MMGT1: variants seen among roughly 807,000 people sequenced by gnomAD.
MMGT1 encodes the protein ER membrane protein complex subunit 5.
MMGT1 carries 2 observed loss-of-function variants against 11.7 expected under a neutral mutation model. The ratio of observed to expected loss-of-function variants is 0.17; its 90% confidence interval spans 0.07 to 0.54. The LOEUF (loss-of-function observed/expected upper bound fraction) is 0.54. Ranked by LOEUF, MMGT1 falls within the 20% of genes least tolerant of loss-of-function variation. The pLI is 0.94. For synonymous variants in MMGT1, 49 were observed against 44.4 expected, an observed-to-expected ratio of 1.10 and a Z score of -0.41; for missense variants, 74 against 109.0, an observed-to-expected ratio of 0.68 and a Z score of 1.43.
Position 135,973,797 on chromosome X carries a change from G to A in MMGT1, c.-122C>T, listed in dbSNP as rs1360273785. On this transcript the variant is annotated 5_prime_UTR_variant, in exon 1 of 4. Coordinates refer to ENST00000305963, the MANE Select transcript of MMGT1 (RefSeq NM_173470.3). ...GTCACTGAAGTCCTGAGCGCAAAGTGTCTCAGTGGTGGAAAAGCCAGAGGG... is the reference window on the plus strand; with the variant it reads ...GTCACTGAAGTCCTGAGCGCAAAGTATCTCAGTGGTGGAAAAGCCAGAGGG... 3 of 1,161,941 alleles carry A rather than the reference G, an allele frequency of 2.6e-6. No individual in the cohort carries two copies. The Admixed American group carries it at 7.9e-5, about 30-fold the overall frequency.
chrX:135,971,036 G>A (rs375839968), intron 2 of MMGT1, 22 bp downstream of exon 2: 27 of 1,086,230 alleles, frequency 2.5e-5, no homozygotes, highest in Middle Eastern at 5.0e-4. Flanking sequence ...TACATGTAAC[G>A]GAATATAAAT....
intron 3 of MMGT1, among the ~76,000 whole-genome samples, chrX:135,966,331 C>A (rs1338685602): frequency 8.9e-6 from 1 of 112,436 alleles, no homozygotes; most frequent in African/African-American, 3.2e-5. Flanking sequence ...CGTTGGCTCA[C>A]ATCTGTAATC....
rs1342585830 is a variant in MMGT1, at chrX:135,961,004, T to G, written c.*4020A>C. Among the ~76,000 whole-genome samples, 1 of 112,018 alleles carries G rather than the reference T, an allele frequency of 8.9e-6. No homozygotes were observed. Among genetic ancestry groups the G allele is most frequent in the Non-Finnish European group, 1.9e-5 (1 of 53,125 alleles). The stretch of plus-strand genomic sequence containing the variant: ...TTGGTAAATAATCATTCTCATACAT[T>G]ATATGTGGAAGCATACTGGGCAAAG... On this transcript the variant is annotated 3_prime_UTR_variant, in exon 4 of 4. Coordinates refer to ENST00000305963, the MANE Select transcript of MMGT1 (RefSeq NM_173470.3).
intron 2 of MMGT1, among the ~76,000 whole-genome samples, chrX:135,968,789 C>A (rs2089201189): frequency 9.0e-6 from 1 of 111,569 alleles, no homozygotes; most frequent in Non-Finnish European, 1.9e-5. Flanking sequence ...CTCAGCCTCC[C>A]AAAGTGCTGG....
rs4465125 is a variant in MMGT1, at chrX:135,973,614, G to C, written c.62C>G (p.Ala21Gly). 8.6e-7 allele frequency: 1 copy of C among 1,166,771 alleles called. No individual in the cohort carries two copies. The highest frequency in any genetic ancestry group is 2.6e-5 in the Admixed American group (1 of 38,824). Reference sequence around the variant, plus strand: ...GCACTTACGCTGCGCAGCGGAAAAGGCGGCGTGGGCTAGGGCAAAGAGACC... The same window carrying C: ...GCACTTACGCTGCGCAGCGGAAAAGCCGGCGTGGGCTAGGGCAAAGAGACC... Reference protein sequence around the residue: ...GIGLFALAHAAFSAAQHRSYM... With the variant: ...GIGLFALAHAGFSAAQHRSYM... The change falls in exon 1 of 4, where the codon GCC becomes GGC. Residue 21 changes from alanine (A) to glycine (G), a missense_variant. Physicochemically the swap from Ala to Gly is moderately conservative, Grantham distance 60 (BLOSUM62 0). Coordinates refer to ENST00000305963, the MANE Select transcript of MMGT1 (RefSeq NM_173470.3).
intron 2 of MMGT1, among the ~76,000 whole-genome samples, chrX:135,969,938 A>G (rs1323403622): frequency 8.9e-6 from 1 of 112,027 alleles, no homozygotes; most frequent in Non-Finnish European, 1.9e-5. Context: ...TGGTGTTTTT[A>G]TAATTGTGTA....
intron 3 of MMGT1, among the ~76,000 whole-genome samples, chrX:135,966,385 G>C (rs2089185651): frequency 8.9e-6 from 1 of 112,053 alleles, no homozygotes; most frequent in Non-Finnish European, 1.9e-5. Flanking sequence ...CTTCAGGTCA[G>C]GAGTTCGAGA....
At chrX:135,968,623 C>T (rs1413175870) in intron 2 of MMGT1, among the ~76,000 whole-genome samples, 2 of 107,587 alleles carry the variant, frequency 1.9e-5, no homozygotes, top group Non-Finnish European at 3.8e-5. Context: ...CCTCAGCCTC[C>T]CAGGTTCAAG....
rs36089092 is a variant in MMGT1 at position 135,968,499 on chromosome X, T to TATTGTGTGTG, written c.133-1007_133-1006insCACACACAAT. On this transcript the variant is annotated intron_variant, in intron 2 of 3. Transcript: ENST00000305963. Reference sequence around the variant, plus strand: ...GCTTTCCTCGCTCAACATTATGTCATTGTGTGTGTGTGTGTGTGTGTGTGT... The same window carrying TATTGTGTGTG: ...GCTTTCCTCGCTCAACATTATGTCATATTGTGTGTGTGTGTGTGTGTGTGTGTGTGTGTGT... Among the ~76,000 whole-genome samples, 16 of 85,033 alleles carry TATTGTGTGTG rather than the reference T, an allele frequency of 1.9e-4. No individual in the cohort carries two copies. In the South Asian group the frequency reaches 0.011, roughly 56 times the overall value. 73.8% of individuals were successfully genotyped at this position (85,033 alleles called of 115,157 possible). A position where few individuals can be genotyped will look rare whatever the true frequency, so the allele number is the denominator to read the frequency against.
rs781803960 is a variant in MMGT1, at chrX:135,971,030, TGTAAC to T, written c.132+23_132+27del. On this transcript the variant is annotated intron_variant, in intron 2 of 3. Transcript: ENST00000305963. ...CTATGTGGCTGATTTTAAACATACA[TGTAAC>T]GGAATATAAATGACCAACTTACATC... 5.7e-6 allele frequency: 6 copies of T among 1,051,005 alleles called. No homozygotes were observed. The Admixed American group carries it at 1.1e-4, about 20-fold the overall frequency. 86.6% of individuals were successfully genotyped at this position (1,051,005 alleles called of 1,213,427 possible).
rs782002796 is a variant in MMGT1 at position 135,963,123 on chromosome X, C to T, written c.*1901G>A. On this transcript the variant is annotated 3_prime_UTR_variant, in exon 4 of 4. Coordinates refer to ENST00000305963, the MANE Select transcript of MMGT1 (RefSeq NM_173470.3). ...AATAGATTAGTGGTTGCCAGGGGCTCGGGGATGGGGTGGGCACTGGGAGAA... is the reference window on the plus strand; with the variant it reads ...AATAGATTAGTGGTTGCCAGGGGCTTGGGGATGGGGTGGGCACTGGGAGAA... The T allele has an allele frequency of 5.6e-5, 6 of 107,303 alleles. No homozygotes were observed. Among genetic ancestry groups the T allele is most frequent in the African/African-American group, 1.3e-4 (4 of 29,732 alleles). The allele number at this position is 107,303 out of a possible 1,213,427, so 8.8% of individuals were successfully genotyped here.
rs1449990576 is a variant in MMGT1, at chrX:135,962,179, CAACA to C, written c.*2841_*2844del. On this transcript the variant is annotated 3_prime_UTR_variant, in exon 4 of 4. Transcript: ENST00000305963. ...TTGGTGTTACAGGCATTGATGCTCA[CAACA>C]AACAACATTATTCAATACATCATGT... The C allele has an allele frequency of 3.6e-5, 4 of 111,467 alleles. No individual in the cohort carries two copies. The highest frequency in any genetic ancestry group is 9.5e-5 in the Admixed American group (1 of 10,490). The allele number at this position is 111,467 out of a possible 1,213,427, so 9.2% of individuals were successfully genotyped here.
intron 2 of MMGT1, among the ~76,000 whole-genome samples, chrX:135,968,062 G>A (rs1603173999): frequency 8.9e-6 from 1 of 111,855 alleles, no homozygotes; most frequent in East Asian, 2.8e-4. Context: ...ATGTTGGTCA[G>A]GCTGGTCTCG....
chrX:135,964,631 G>C lies in MMGT1; in HGVS notation c.*393C>G, dbSNP rs978414491. On this transcript the variant is annotated 3_prime_UTR_variant, in exon 4 of 4. Transcript: ENST00000305963. Reference sequence around the variant, plus strand: ...AGACCATTTTACTATAATTCATGCTGCAAAACACAGCAGTCACACAGTATT... The same window carrying C: ...AGACCATTTTACTATAATTCATGCTCCAAAACACAGCAGTCACACAGTATT... 8.6e-6 allele frequency: 1 copy of C among 116,649 alleles called. No individual in the cohort carries two copies. The highest frequency in any genetic ancestry group is 3.2e-5 in the African/African-American group (1 of 30,926). 9.6% of individuals were successfully genotyped at this position (116,649 alleles called of 1,213,427 possible). A position where few individuals can be genotyped will look rare whatever the true frequency, so the allele number is the denominator to read the frequency against.
Position 135,962,101 on chromosome X carries a change from C to T in MMGT1, c.*2923G>A, listed in dbSNP as rs1295310955. The T allele has an allele frequency of 9.2e-6, 1 of 109,151 alleles. No individual in the cohort carries two copies. Among genetic ancestry groups the T allele is most frequent in the Non-Finnish European group, 1.9e-5 (1 of 52,647 alleles). 9.0% of individuals were successfully genotyped at this position (109,151 alleles called of 1,213,427 possible). On this transcript the variant is annotated 3_prime_UTR_variant, in exon 4 of 4. Transcript: ENST00000305963. Reference sequence around the variant, plus strand: ...GTGAGACAATCATTTATTTATTGGACAGGGCAAGGTCATTTAAAGATTGGA... The same window carrying T: ...GTGAGACAATCATTTATTTATTGGATAGGGCAAGGTCATTTAAAGATTGGA...
chrX:135,965,172 G>A lies in MMGT1; in HGVS notation c.248C>T (p.Thr83Met), dbSNP rs1556611831. The change falls in exon 4 of 4, where the codon ACG (threonine) becomes ATG (methionine). Residue 83 changes from threonine to methionine, a missense_variant. Thr to Met is a moderately conservative substitution (Grantham distance 81). This residue lies in a region of MMGT1 where 40 missense variants were observed against 79.6 expected (regional missense o/e 0.50). Coordinates refer to ENST00000305963, the MANE Select transcript of MMGT1 (RefSeq NM_173470.3). ...TSELKNKTFD[T>M]LRNHPSFYVF... ...ATAAAAGGATGGGTGATTCCTTAAC[G>A]TATCAAATGTCCTTGAAAGAAGAAA... 3.3e-6 allele frequency: 4 copies of A among 1,197,320 alleles called. No individual in the cohort carries two copies. Among genetic ancestry groups the A allele is most frequent in the South Asian group, 1.8e-5 (1 of 55,265 alleles).
chrX:135,965,951 C>T (rs782254408), intron 3 of MMGT1, among the ~76,000 whole-genome samples: 1 of 111,942 alleles, frequency 8.9e-6, no homozygotes, highest in South Asian at 3.7e-4. Context: ...TTCCTTTTGG[C>T]CCTCTGTACC....
intron 1 of MMGT1, among the ~76,000 whole-genome samples, chrX:135,971,552 T>G (rs2089219340): frequency 8.9e-6 from 1 of 112,202 alleles, no homozygotes; most frequent in South Asian, 3.6e-4. Flanking sequence ...TCAAAACCGT[T>G]ACTTTCACTA....
Position 135,962,024 on chromosome X carries a change from T to C in MMGT1, c.*3000A>G, listed in dbSNP as rs2089158189. 1 of 106,424 alleles carries C rather than the reference T, an allele frequency of 9.4e-6. No individual in the cohort carries two copies. Among genetic ancestry groups the C allele is most frequent in the Admixed American group, 1.0e-4 (1 of 9,881 alleles). 8.8% of individuals were successfully genotyped at this position (106,424 alleles called of 1,213,427 possible). A position where few individuals can be genotyped will look rare whatever the true frequency, so the allele number is the denominator to read the frequency against. ...TCTGGGGACAGAAAAGCAGAAGAAA[T>C]GAGATTAAAAGTCCAAAAAAAAAAA... On this transcript the variant is annotated 3_prime_UTR_variant, in exon 4 of 4. Coordinates refer to ENST00000305963, the MANE Select transcript of MMGT1 (RefSeq NM_173470.3).
Sources: allele counts gnomAD v4.1 joint callset (sites outside exome capture counted in the v4.1 genomes callset), GRCh38; gene constraint gnomAD v4.1.1; regional missense constraint gnomAD v4.1.1; transcripts MANE v1.5; gene names NCBI Gene and HGNC (gene_info 2026-07-23, HGNC 2026-07-21).